TECRL: variants seen among roughly 807,000 people sequenced by gnomAD.
The protein encoded by TECRL is trans-2,3-enoyl-CoA reductase like, also known as trans-2,3-enoyl-CoA reductase-like.
Under a neutral mutation model 52.8 loss-of-function variants are expected in TECRL, and 63 were observed. The ratio of observed to expected loss-of-function variants is 1.19; its 90% CI spans 0.97 to 1.47. The LOEUF (loss-of-function observed/expected upper bound fraction) is 1.47. Ranked by LOEUF, TECRL falls within the 40% of genes most tolerant of loss-of-function variation. The pLI is 0.00. For synonymous variants in TECRL, 164 were observed against 141.9 expected, an observed-to-expected ratio of 1.16 and a Z score of -1.10; for missense variants, 482 against 429.6, an observed-to-expected ratio of 1.12 and a Z score of -1.08.
intron 8 of TECRL, among the ~76,000 whole-genome samples, chr4:64,298,027 A>T (rs1723782574): frequency 6.6e-6 from 1 of 151,040 alleles, no homozygotes; most frequent in South Asian, 2.1e-4. Context: ...ACTACATTCA[A>T]TTTTTTTACT....
At chr4:64,299,953 A>G in intron 8 of TECRL, 21 bp downstream of exon 8, 2 of 1,488,010 alleles carry the variant, frequency 1.3e-6, no homozygotes, top group Non-Finnish European at 1.8e-6. Context: ...GTGAATAGCA[A>G]AATATATATA....
At chr4:64,304,909 T>A (rs1724237698) in intron 7 of TECRL, 1 of 267,896 alleles carries the variant, frequency 3.7e-6, no homozygotes, top group Non-Finnish European at 7.0e-6. Context: ...TTGTTGTTTT[T>A]TCATTTTATT....
In TECRL at chr4:64,279,591, A is replaced by C. The variant is rs1323759520; in HGVS notation, c.*481T>G. The C allele has an allele frequency of 5.1e-6, 1 of 197,700 alleles. No homozygotes were observed. The highest frequency in any genetic ancestry group is 2.4e-5 in the African/African-American group (1 of 42,206). The allele number at this position is 197,700 out of a possible 1,614,324, so 12.2% of individuals were successfully genotyped here. A position where few individuals can be genotyped will look rare whatever the true frequency, so the allele number is the denominator to read the frequency against. On this transcript the variant is annotated 3_prime_UTR_variant, in exon 12 of 12. Transcript: ENST00000381210. ...CTGTCATATTTTTTGTCTTTTTGAAAATAGTCACCTTAATTAGGATGAGAT... is the reference window on the plus strand; with the variant it reads ...CTGTCATATTTTTTGTCTTTTTGAACATAGTCACCTTAATTAGGATGAGAT...
At chr4:64,344,429 G>GA (rs1269671880) in intron 2 of TECRL, among the ~76,000 whole-genome samples, 12 of 151,906 alleles carry the variant, frequency 7.9e-5, no homozygotes, top group East Asian at 3.9e-4. Context: ...TCTGTCTTGT[G>GA]AAAAAAACAC....
chr4:64,315,592 T>C (rs1170162048), intron 4 of TECRL, among the ~76,000 whole-genome samples: 1 of 102,656 alleles, frequency 9.7e-6, no homozygotes, highest in Non-Finnish European at 1.9e-5. Flanking sequence ...AACTATTTTG[T>C]CTTCATCTGC....
chr4:64,335,585 T>G (rs1449348595), intron 2 of TECRL, among the ~76,000 whole-genome samples: 3 of 152,180 alleles, frequency 2.0e-5, no homozygotes, highest in Non-Finnish European at 2.9e-5. Flanking sequence ...TCCATGAAAC[T>G]GGTCTCTGGT....
At chr4:64,332,939 A>G (rs1718745952) in intron 2 of TECRL, among the ~76,000 whole-genome samples, 1 of 152,122 alleles carries the variant, frequency 6.6e-6, no homozygotes, top group South Asian at 2.1e-4. Flanking sequence ...ATATTGAATG[A>G]TATGATGGCT....
chr4:64,400,241 C>T lies in TECRL; in HGVS notation c.234+8877G>A, dbSNP rs191537771. Among the ~76,000 whole-genome samples, 407 of 152,230 alleles carry T rather than the reference C, an allele frequency of 2.7e-3. 1 individual carries two copies. Among genetic ancestry groups the T allele is most frequent in the Non-Finnish European group, 4.7e-3 (321 of 68,020 alleles). On this transcript the variant is annotated intron_variant, in intron 1 of 11. Transcript: ENST00000381210. ...CTACTAGGTTTTGGACTTGCATGGA[C>T]CCTGTAGCCACTTTCTTTTAGTGGG...
intron 2 of TECRL, among the ~76,000 whole-genome samples, chr4:64,372,576 A>G (rs556750717): frequency 1.3e-5 from 2 of 151,870 alleles, no homozygotes; most frequent in Admixed American, 1.3e-4. Flanking sequence ...TATAGAAAAG[A>G]CATATTACAG....
intron 10 of TECRL, among the ~76,000 whole-genome samples, 159 bp downstream of exon 10, chr4:64,281,315 T>A (rs924802835): frequency 6.6e-6 from 1 of 151,982 alleles, no homozygotes; most frequent in South Asian, 2.1e-4. Context: ...TTTGAAAAAA[T>A]TGTGATTGAA....
intron 2 of TECRL, among the ~76,000 whole-genome samples, chr4:64,358,622 C>T (rs2128756): frequency 0.9 from 136,241 of 151,648 alleles, 61,863 homozygotes; most frequent in East Asian, 1. Flanking sequence ...GGAAAAGTAT[C>T]TGGTATATAT....
chr4:64,313,916 G>A (rs184946127), intron 5 of TECRL, among the ~76,000 whole-genome samples: 3,557 of 142,516 alleles, frequency 0.025, 161 homozygotes, highest in African/African-American at 0.086. Flanking sequence ...GGCGGATCAC[G>A]AGGTCAGGAG....
In TECRL at chr4:64,286,620, C is replaced by T. The variant is rs528972428; in HGVS notation, c.832+3090G>A. Among the ~76,000 whole-genome samples the T allele has an allele frequency of 3.3e-5, 5 of 151,606 alleles. No homozygotes were observed. In the East Asian group the frequency reaches 9.7e-4, roughly 29 times the overall value. Reference sequence around the variant, plus strand: ...TGGGAATCATCAACCCTTAGACACTCCCTCAAAATTCATAGACTTTTATAA... The same window carrying T: ...TGGGAATCATCAACCCTTAGACACTTCCTCAAAATTCATAGACTTTTATAA... On this transcript the variant is annotated intron_variant, in intron 9 of 11. Coordinates refer to ENST00000381210, the MANE Select transcript of TECRL (RefSeq NM_001010874.5).
chr4:64,282,991 C>CTATT (rs201758728), intron 9 of TECRL, among the ~76,000 whole-genome samples: 2,685 of 151,984 alleles, frequency 0.018, 35 homozygotes, highest in Non-Finnish European at 0.028. Flanking sequence ...AAGGTTTATT[C>CTATT]TATTTCTTCA....
chr4:64,292,773 C>T (rs1337588016), intron 8 of TECRL, among the ~76,000 whole-genome samples: 2 of 151,798 alleles, frequency 1.3e-5, no homozygotes, highest in Non-Finnish European at 2.9e-5. Flanking sequence ...TAACCAGGTG[C>T]TTTTTGCTCT....
At chr4:64,408,090 A>C (rs1668087669) in intron 1 of TECRL, among the ~76,000 whole-genome samples, 1 of 151,766 alleles carries the variant, frequency 6.6e-6, no homozygotes, top group South Asian at 2.1e-4. Flanking sequence ...CCATCTATGA[A>C]TTAAAGTTAA....
chr4:64,361,727 T>C (rs1231575727), intron 2 of TECRL, among the ~76,000 whole-genome samples: 1 of 151,946 alleles, frequency 6.6e-6, no homozygotes, highest in Admixed American at 6.6e-5. Flanking sequence ...GAGAGACAAC[T>C]TCAAAGATTA....
chr4:64,285,915 G>A (rs1577799886), intron 9 of TECRL, among the ~76,000 whole-genome samples: 1 of 151,990 alleles, frequency 6.6e-6, no homozygotes, highest in South Asian at 2.1e-4. Flanking sequence ...AAACAAGGAT[G>A]TTAGAGGATG....
Position 64,309,863 on chromosome 4 carries a change from AC to A in TECRL, c.619del (p.Val207PhefsTer8). ...TTTCAAAGGTGTGTGTCCTGCAGAA[AC>A]TTTGTGAACAAATAAGGTTTCCAAA... ...YLLETLFVHKVSAGHTPLKNL... is the reference protein window; with the variant it reads ...YLLETLFVHKXSAGHTPLKNL... On this transcript the variant is annotated frameshift_variant, in exon 6 of 12. Transcript: ENST00000381210. LOFTEE classifies it high-confidence loss of function. The A allele has an allele frequency of 6.2e-7, 1 of 1,612,760 alleles. No homozygotes were observed. The highest frequency in any genetic ancestry group is 8.5e-7 in the Non-Finnish European group (1 of 1,179,106).
Sources: gnomAD v4.1 joint callset for allele counts (sites outside exome capture counted in the v4.1 genomes callset) on GRCh38, gnomAD v4.1.1 for gene constraint, MANE v1.5 for transcripts, NCBI Gene and HGNC (gene_info 2026-07-23, HGNC 2026-07-21) for gene names.